CSMD1: variants seen among roughly 807,000 people sequenced by gnomAD.
CSMD1 encodes the protein CUB and sushi domain-containing protein 1.
CSMD1 carries 213 observed loss-of-function variants against 417.5 expected under a neutral mutation model. The ratio of observed to expected loss-of-function variants is 0.51; its 90% CI spans 0.46 to 0.57. CSMD1 has a LOEUF of 0.57. Among genes scored for constraint, CSMD1 ranks in the 20% least tolerant of loss-of-function variants. The probability of loss-of-function intolerance (pLI) is 0.00; values close to 1 mark genes in which losing one functional copy is unlikely to be tolerated. For missense variants in CSMD1, 6,923 were observed against 4,529.7 expected, an observed-to-expected ratio of 1.53 and a Z score of -15.17; for synonymous variants, 2,862 against 1,736.8, an observed-to-expected ratio of 1.65 and a Z score of -16.11.
rs192973916 is a variant in CSMD1, at chr8:4,829,076, C to T, written c.85+165256G>A. ...TTAATAGGTTACCTTTCTCCACTAACATTTTGCATTTAACAAAGAGGTGGC... is the reference window on the plus strand; with the variant it reads ...TTAATAGGTTACCTTTCTCCACTAATATTTTGCATTTAACAAAGAGGTGGC... On this transcript the variant is annotated intron_variant, in intron 1 of 69. Transcript: ENST00000635120. Among the ~76,000 whole-genome samples the T allele has an allele frequency of 7.3e-3, 1,117 of 152,262 alleles. 10 individuals are homozygous for T. The highest frequency in any genetic ancestry group is 0.02 in the Middle Eastern group (6 of 294).
intron 3 of CSMD1, among the ~76,000 whole-genome samples, chr8:4,045,331 C>G (rs1481653876): frequency 6.6e-6 from 1 of 152,136 alleles, no homozygotes; most frequent in Non-Finnish European, 1.5e-5. Flanking sequence ...AAAGGACCAT[C>G]AATTGTGTAT....
intron 1 of CSMD1, among the ~76,000 whole-genome samples, chr8:4,900,093 G>T (rs572570874): frequency 6.6e-6 from 1 of 152,004 alleles, no homozygotes; most frequent in African/African-American, 2.4e-5. Flanking sequence ...TTCCACTGCA[G>T]ACTCACCTTC....
chr8:4,145,695 C>T (rs1379782137), intron 3 of CSMD1, among the ~76,000 whole-genome samples: 7 of 150,954 alleles, frequency 4.6e-5, no homozygotes, highest in Admixed American at 2.6e-4. Flanking sequence ...GGCCACATTC[C>T]GCATTTCTTA....
chr8:4,345,826 C>A (rs1389310725), intron 3 of CSMD1, among the ~76,000 whole-genome samples: 1 of 152,072 alleles, frequency 6.6e-6, no homozygotes, highest in Non-Finnish European at 1.5e-5. Flanking sequence ...GGAGGTCATC[C>A]CGAGCAGCGA....
At chr8:4,569,706 A>G (rs564856277) in intron 2 of CSMD1, among the ~76,000 whole-genome samples, 1 of 152,208 alleles carries the variant, frequency 6.6e-6, no homozygotes, top group African/African-American at 2.4e-5. Flanking sequence ...TGGGAATAGC[A>G]TTGAATCTAT....
At chr8:2,979,389 C>T (rs1258103381) in intron 54 of CSMD1, among the ~76,000 whole-genome samples, 2 of 152,366 alleles carry the variant, frequency 1.3e-5, no homozygotes, top group African/African-American at 4.8e-5. Flanking sequence ...AGGCAGTCTT[C>T]TGCGGCATGC....
chr8:3,415,118 C>A (rs1003298907), intron 12 of CSMD1, among the ~76,000 whole-genome samples: 1 of 152,136 alleles, frequency 6.6e-6, no homozygotes, highest in African/African-American at 2.4e-5. Flanking sequence ...CATTTACATA[C>A]TAAATTGTAT....
chr8:4,236,319 T>C (rs1249085328), intron 3 of CSMD1, among the ~76,000 whole-genome samples: 1 of 152,024 alleles, frequency 6.6e-6, no homozygotes, highest in Non-Finnish European at 1.5e-5. Context: ...AACAGTATAG[T>C]ATAGTAGTTT....
intron 5 of CSMD1, among the ~76,000 whole-genome samples, chr8:3,933,479 C>A (rs1010824489): frequency 6.6e-6 from 1 of 152,132 alleles, no homozygotes; most frequent in Non-Finnish European, 1.5e-5. Context: ...CCACTCAACC[C>A]CTTTCAGCCA....
chr8:3,311,649 A>G (rs111530918), intron 23 of CSMD1, among the ~76,000 whole-genome samples: 1 of 152,254 alleles, frequency 6.6e-6, no homozygotes, highest in African/African-American at 2.4e-5. Context: ...ATGGGTGCCC[A>G]AAGTATACTT....
chr8:3,277,957 C>T (rs917546254), intron 26 of CSMD1, among the ~76,000 whole-genome samples: 1 of 152,130 alleles, frequency 6.6e-6, no homozygotes, highest in African/African-American at 2.4e-5. Flanking sequence ...GAAAAGTAAG[C>T]AAGCGTCATT....
chr8:2,939,011 C>A (rs1240279664), intron 69 of CSMD1, among the ~76,000 whole-genome samples: 1 of 152,200 alleles, frequency 6.6e-6, no homozygotes, highest in Non-Finnish European at 1.5e-5. Context: ...GTTACCCAGG[C>A]TGGAGTGCAG....
chr8:4,713,709 C>T (rs925085673), intron 1 of CSMD1, among the ~76,000 whole-genome samples: 3 of 152,184 alleles, frequency 2.0e-5, no homozygotes, highest in Admixed American at 1.3e-4. Context: ...TGCCTCACGG[C>T]CTCCTCCCCA....
intron 1 of CSMD1, among the ~76,000 whole-genome samples, chr8:4,657,684 T>A (rs1804328744): frequency 2.3e-5 from 3 of 131,322 alleles, no homozygotes; most frequent in African/African-American, 2.8e-5. Context: ...CATAAAACAT[T>A]AACAAAAAGA....
intron 2 of CSMD1, among the ~76,000 whole-genome samples, chr8:4,549,548 T>C (rs985812144): frequency 6.6e-6 from 1 of 152,112 alleles, no homozygotes; most frequent in Non-Finnish European, 1.5e-5. Context: ...AAGACAGTCA[T>C]GTGCACAGCC....
intron 1 of CSMD1, among the ~76,000 whole-genome samples, chr8:4,663,099 G>T (rs566239528): frequency 6.6e-6 from 1 of 152,154 alleles, no homozygotes; most frequent in South Asian, 2.1e-4. Flanking sequence ...GGACAGGAGG[G>T]CCAGATCACG....
At position 3,050,628 on chromosome 8, in the gene CSMD1, A is replaced by C. The variant is rs73181745; in HGVS notation, c.7660+1834T>G. On this transcript the variant is annotated intron_variant, in intron 50 of 69. Coordinates refer to ENST00000635120, the MANE Select transcript of CSMD1 (RefSeq NM_033225.6). ...CCTCCCATACTATTACTTAATTGCAATAAAATAGTACCGTCTTAAATAGAA... is the reference window on the plus strand; with the variant it reads ...CCTCCCATACTATTACTTAATTGCACTAAAATAGTACCGTCTTAAATAGAA... 8.0e-3 allele frequency among the ~76,000 whole-genome samples: 1,224 copies of C among 152,330 alleles called. 13 individuals carry two copies. The highest frequency in any genetic ancestry group is 0.013 in the Non-Finnish European group (894 of 68,034).
At chr8:4,520,515 C>T (rs1430827732) in intron 2 of CSMD1, among the ~76,000 whole-genome samples, 2 of 152,122 alleles carry the variant, frequency 1.3e-5, no homozygotes, top group Non-Finnish European at 2.9e-5. Context: ...CAGAGAAAGA[C>T]ATCCCGATAG....
At chr8:4,403,111 G>A (rs559147994) in intron 3 of CSMD1, among the ~76,000 whole-genome samples, 6 of 152,006 alleles carry the variant, frequency 3.9e-5, no homozygotes, top group Admixed American at 6.5e-5. Context: ...GATTACAGGC[G>A]TGAGCCACTG....
Sources: allele counts gnomAD v4.1 joint callset (sites outside exome capture counted in the v4.1 genomes callset), GRCh38; gene constraint gnomAD v4.1.1; transcripts MANE v1.5; gene names NCBI Gene and HGNC (gene_info 2026-07-23, HGNC 2026-07-21).